The following BRD8 variants were observed in gnomAD, a reference collection of about 807,000 sequenced individuals.
The protein encoded by BRD8 is bromodomain-containing protein 8.
BRD8 carries 67 observed loss-of-function variants against 143.1 expected under a neutral mutation model. The ratio of observed to expected loss-of-function variants is 0.47; its 90% CI spans 0.38 to 0.57. BRD8 has a LOEUF of 0.57. BRD8 is among the 20% of genes least tolerant of loss of function. BRD8 has a pLI of 0.00. For synonymous variants in BRD8, 505 were observed against 517.1 expected (o/e 0.98, Z 0.32); for missense variants, 1,103 against 1,503.0 (o/e 0.73, Z 4.40).
At chr5:138,166,150 G>T in intron 10 of BRD8, 42 bp from the exon 11 acceptor site, 3 of 1,457,190 alleles carry the variant, frequency 2.1e-6, no homozygotes, top group Non-Finnish European at 2.8e-6. Context: ...AGCTTATTGG[G>T]TACAAAGCGA....
At chr5:138,157,979 T>C (rs183382596) in intron 20 of BRD8, 2 of 152,298 alleles carry the variant, frequency 1.3e-5, no homozygotes, top group Admixed American at 6.5e-5. Context: ...ACTGAAACCT[T>C]TGCTGGGCCA....
intron 9 of BRD8, chr5:138,167,010 CCG>C: frequency 4.0e-6 from 1 of 249,090 alleles, no homozygotes; most frequent in Non-Finnish European, 7.8e-6. Context: ...CTTTGGGAGG[CCG>C]AGGCAGGTGG....
At chr5:138,171,222 A>C in intron 4 of BRD8, 62 bp from the exon 5 acceptor site, 3 of 1,505,890 alleles carry the variant, frequency 2.0e-6, no homozygotes, top group Middle Eastern at 1.7e-4. Flanking sequence ...CCCCTCTCCT[A>C]CTTGCTTTTA....
Position 138,139,943 on chromosome 5 carries a change from G to T in BRD8, c.*131C>A. Reference sequence around the variant, plus strand: ...GTCCACATGCATCTTTGACTCGTTGGTTGTGAGTTAAGGTATTATTCTTGT... The same window carrying T: ...GTCCACATGCATCTTTGACTCGTTGTTTGTGAGTTAAGGTATTATTCTTGT... On this transcript the variant is annotated 3_prime_UTR_variant, in exon 27 of 27. Transcript: ENST00000254900. The T allele has an allele frequency of 7.4e-6, 5 of 676,562 alleles. No homozygotes were observed. The highest frequency in any genetic ancestry group is 4.2e-5 in the South Asian group (2 of 47,072). 41.9% of individuals were successfully genotyped at this position (676,562 alleles called of 1,614,324 possible).
intron 8 of BRD8, 79 bp downstream of exon 8, chr5:138,169,143 A>G (rs1369253556): frequency 3.0e-5 from 45 of 1,507,060 alleles, no homozygotes; most frequent in Non-Finnish European, 3.7e-5. Flanking sequence ...TCTAGGCCAA[A>G]AGTGGTTTCC....
At chr5:138,145,360 A>G (rs1752106705) in intron 24 of BRD8, 115 bp from the exon 25 acceptor site, 8 of 814,430 alleles carry the variant, frequency 9.8e-6, no homozygotes, top group Non-Finnish European at 1.6e-5. Flanking sequence ...TGTCAGCACC[A>G]TTAGGAAAAA....
At chr5:138,142,045 A>G (rs532681395) in intron 25 of BRD8, among the ~76,000 whole-genome samples, 10 of 152,296 alleles carry the variant, frequency 6.6e-5, no homozygotes, top group African/African-American at 9.6e-5. Flanking sequence ...GTGCAACAGT[A>G]TTAAGAGGTG....
chr5:138,145,306 G>T, intron 24 of BRD8, 61 bp from the exon 25 acceptor site: 2 of 1,483,904 alleles, frequency 1.3e-6, no homozygotes, highest in Non-Finnish European at 1.9e-6. Flanking sequence ...TGAAGGAGAA[G>T]AGTAGCTCAG....
intron 13 of BRD8, 54 bp from the exon 14 acceptor site, chr5:138,164,187 C>A: frequency 6.3e-7 from 1 of 1,596,116 alleles, no homozygotes; most frequent in South Asian, 1.1e-5. Flanking sequence ...CCTTCCCCTT[C>A]CTATGGACCA....
chr5:138,156,969 T>G, intron 20 of BRD8: 1 of 1,322,668 alleles, frequency 7.6e-7, no homozygotes. Context: ...GACAAGACAA[T>G]ACAAACTAGC....
chr5:138,168,763 G>C, intron 8 of BRD8: 1 of 759,380 alleles, frequency 1.3e-6, no homozygotes, highest in Non-Finnish European at 2.2e-6. Flanking sequence ...ATGGGTTAGT[G>C]TGTCTAACTA....
intron 8 of BRD8, chr5:138,168,440 G>T: frequency 6.8e-7 from 1 of 1,479,496 alleles, no homozygotes; most frequent in South Asian, 1.1e-5. Context: ...AATCACCACA[G>T]CTCTCAAACA....
At chr5:138,175,496 T>A (rs1265825911) in intron 2 of BRD8, among the ~76,000 whole-genome samples, 1 of 150,610 alleles carries the variant, frequency 6.6e-6, no homozygotes, top group African/African-American at 2.4e-5. Context: ...GGTGGGAGGA[T>A]CACTTGAGCC....
intron 23 of BRD8, among the ~76,000 whole-genome samples, chr5:138,148,876 G>A (rs908601701): frequency 4.0e-5 from 6 of 151,648 alleles, no homozygotes; most frequent in African/African-American, 1.5e-4. Context: ...ACAAGCCTGG[G>A]CAATATAGCA....
In BRD8 at chr5:138,171,135, C is replaced by T. The variant is rs1753832158; in HGVS notation, c.262G>A (p.Val88Met). ...ATAACATCTTCAACAGTTTCCACCA[C>T]TTCTCCCTTTTCACCTCGTTTCCGT... is the stretch of plus-strand genomic sequence containing the variant. The part of the protein sequence containing the change: ...PKRKRGEKGE[V>M]VETVEDVIVR... Residue 88 changes from valine (V) to methionine (M), a missense_variant, in exon 5 of 27, where the codon GTG (valine) becomes ATG (methionine). By Grantham distance (21) the Val-to-Met change is conservative. Around this residue, in one of 7 missense-constraint regions of BRD8, gnomAD observed 69 missense variants for 121.6 expected, o/e 0.57. Coordinates refer to ENST00000254900, the MANE Select transcript of BRD8 (RefSeq NM_139199.2). 6.2e-7 allele frequency: 1 copy of T among 1,612,974 alleles called. No individual in the cohort carries two copies. The highest frequency in any genetic ancestry group is 1.1e-5 in the South Asian group (1 of 90,732).
At position 138,160,055 on chromosome 5, in the gene BRD8, C is replaced by T. The variant is rs1200931155; in HGVS notation, c.2532+14G>A. 6 of 1,603,316 alleles carry T rather than the reference C, an allele frequency of 3.7e-6. No homozygotes were observed. The African/African-American group carries it at 6.7e-5, about 18-fold the overall frequency. On this transcript the variant is annotated intron_variant, in intron 19 of 26. Coordinates refer to ENST00000254900, the MANE Select transcript of BRD8 (RefSeq NM_139199.2). ...TGGAACACTGGCACACAGGTTCCTT[C>T]CTGATCGCCTCACCTTCTCTGAAGC... is the stretch of plus-strand genomic sequence containing the variant.
chr5:138,171,485 G>C (rs1753861981), intron 3 of BRD8, 75 bp from the exon 4 acceptor site: 2 of 964,972 alleles, frequency 2.1e-6, no homozygotes, highest in East Asian at 4.8e-5. Flanking sequence ...AGTTTCAAGA[G>C]ATTAGAGTAA....
In BRD8 at chr5:138,170,403, CT is replaced by C; in HGVS notation, c.446del (p.Lys149ArgfsTer10). ...CTTCAGCCTCCTCTTCTTCCAATTT[CT>C]TTTTCCTAAACAGGGAATTAAGGGT... ...DELCNDIATK[K>X]KLEEEEAEVK... On this transcript the variant is annotated frameshift_variant, in exon 7 of 27. Transcript: ENST00000254900. LOFTEE classifies it high-confidence loss of function. 1 of 1,614,044 alleles carries C rather than the reference CT, an allele frequency of 6.2e-7. No homozygotes were observed. Among genetic ancestry groups the C allele is most frequent in the Non-Finnish European group, 8.5e-7 (1 of 1,180,000 alleles).
intron 17 of BRD8, among the ~76,000 whole-genome samples, chr5:138,161,465 G>C (rs79565737): frequency 3.9e-5 from 6 of 152,014 alleles, no homozygotes; most frequent in Non-Finnish European, 5.9e-5. Context: ...ACAAATGCGC[G>C]ACACCACACC....
Sources: gnomAD v4.1 joint callset for allele counts (sites outside exome capture counted in the v4.1 genomes callset) on GRCh38, gnomAD v4.1.1 for gene constraint, gnomAD v4.1.1 regional missense constraint, MANE v1.5 for transcripts, NCBI Gene and HGNC (gene_info 2026-07-23, HGNC 2026-07-21) for gene names.